The following AGO2 variants were observed in gnomAD, a reference collection of about 807,000 sequenced individuals.
AGO2 encodes the protein argonaute RISC catalytic component 2.
AGO2 carries 5 observed loss-of-function variants against 102.3 expected under a neutral mutation model. The ratio of observed to expected loss-of-function variants is 0.05; its 90% confidence interval spans 0.03 to 0.10. The LOEUF (loss-of-function observed/expected upper bound fraction) is 0.10. Ranked by LOEUF, AGO2 falls within the 10% of genes least tolerant of loss-of-function variation. The probability of loss-of-function intolerance (pLI) is 1.00; values close to 1 mark genes in which losing one functional copy is unlikely to be tolerated. For missense variants in AGO2, 541 were observed against 1,183.7 expected (o/e 0.46, Z 7.97); for synonymous variants, 449 against 473.1 (o/e 0.95, Z 0.66).
intron 4 of AGO2, among the ~76,000 whole-genome samples, chr8:140,561,929 C>T (rs1208288453): frequency 6.6e-6 from 1 of 152,254 alleles, no homozygotes; most frequent in African/African-American, 2.4e-5. Flanking sequence ...ATTAGTGCAA[C>T]CCTCTGCCCA....
At chr8:140,537,006 C>T (rs553509071) in intron 16 of AGO2, among the ~76,000 whole-genome samples, 1 of 152,288 alleles carries the variant, frequency 6.6e-6, no homozygotes, top group Non-Finnish European at 1.5e-5. Context: ...ACAGGACATT[C>T]TCGATTGTGT....
chr8:140,532,257 G>A (rs2072611484), intron 18 of AGO2, 105 bp from the exon 19 acceptor site: 4 of 1,398,062 alleles, frequency 2.9e-6, no homozygotes, highest in East Asian at 2.3e-5. Context: ...ACCTGGGAGA[G>A]GGAAGAGTCC....
At chr8:140,595,738 AT>A (rs2073818451) in intron 1 of AGO2, among the ~76,000 whole-genome samples, 1 of 125,436 alleles carries the variant, frequency 8.0e-6, no homozygotes, top group African/African-American at 3.0e-5. Flanking sequence ...TGTAAATGTT[AT>A]ATATTATATA....
rs943078892 is a variant in AGO2, at chr8:140,530,311, G to A, written c.*1733C>T. On this transcript the variant is annotated 3_prime_UTR_variant, in exon 19 of 19. Transcript: ENST00000220592. ...CCAAAGCAGCTGAGCACAAAGGTGG[G>A]GGGGGGGGTGCCGCTGAGCAGGAGG... The A allele has an allele frequency of 2.2e-5, 3 of 139,416 alleles. No homozygotes were observed. The highest frequency in any genetic ancestry group is 1.4e-4 in the Admixed American group (2 of 14,578). The allele number at this position is 139,416 out of a possible 1,614,324, so 8.6% of individuals were successfully genotyped here.
At chr8:140,555,487 C>T in intron 10 of AGO2, 1 of 177,614 alleles carries the variant, frequency 5.6e-6, no homozygotes, top group Non-Finnish European at 1.2e-5. Context: ...GAGCAAGACC[C>T]TGCCTCAAAA....
intron 3 of AGO2, among the ~76,000 whole-genome samples, chr8:140,564,321 C>T (rs1411768149): frequency 1.4e-5 from 2 of 147,370 alleles, no homozygotes; most frequent in African/African-American, 5.1e-5. Flanking sequence ...ATCAAGGCTT[C>T]GCCCATGGGG....
rs1017867537 is a variant in AGO2, at chr8:140,563,139, C to A, written c.337-505G>T. Among the ~76,000 whole-genome samples, 25 of 152,352 alleles carry A rather than the reference C, an allele frequency of 1.6e-4. 1 individual carries two copies. The highest frequency in any genetic ancestry group is 6.0e-4 in the African/African-American group (25 of 41,578). ...TGAAGCAACTTTGCTATTTGCTAAT[C>A]ATGCTTCCCAGTGTCTGAGGAACAC... On this transcript the variant is annotated intron_variant, in intron 3 of 18. Coordinates refer to ENST00000220592, the MANE Select transcript of AGO2 (RefSeq NM_012154.5).
chr8:140,635,422 C>A (rs1477329632), intron 1 of AGO2, 63 bp downstream of exon 1: 21 of 976,588 alleles, frequency 2.2e-5, no homozygotes, highest in African/African-American at 7.1e-5. Flanking sequence ...CCGCGCCGGG[C>A]CCGCCAACCA....
intron 17 of AGO2, chr8:140,532,851 G>T: frequency 2.2e-6 from 1 of 451,560 alleles, no homozygotes; most frequent in South Asian, 2.2e-5. Context: ...AAAAAAATTA[G>T]CTAGACAATT....
intron 1 of AGO2, 128 bp downstream of exon 1, chr8:140,635,357 C>G (rs2074393221): frequency 1.8e-6 from 1 of 547,814 alleles, no homozygotes; most frequent in Non-Finnish European, 2.3e-6. Flanking sequence ...GGCTCGCCCG[C>G]CCCCGGCCCC....
chr8:140,640,338 A>AT (rs926983978), upstream of AGO2, among the ~76,000 whole-genome samples: 19 of 150,942 alleles, frequency 1.3e-4, no homozygotes, highest in East Asian at 7.9e-4. Context: ...TTGTTTTATT[A>AT]TTTTTTTTCT....
At chr8:140,576,728 G>C (rs1294628543) in intron 2 of AGO2, among the ~76,000 whole-genome samples, 5 of 152,148 alleles carry the variant, frequency 3.3e-5, no homozygotes, top group African/African-American at 1.2e-4. Flanking sequence ...AGCAACTTCT[G>C]ACACAAGAAA....
intron 1 of AGO2, among the ~76,000 whole-genome samples, chr8:140,634,401 AGCCCGGCGGGGCCTGCGCCGCCTGCG>A (rs780247131): frequency 1.2e-4 from 18 of 152,164 alleles, no homozygotes; most frequent in Non-Finnish European, 1.6e-4. Context: ...ATAAGCCCAG[AGCCCGGCGGGGCCTGCGCCGCCTGCG>A]GCCCGGCTGG....
chr8:140,594,094 C>T (rs1051693817), intron 1 of AGO2, among the ~76,000 whole-genome samples: 1 of 152,164 alleles, frequency 6.6e-6, no homozygotes, highest in Non-Finnish European at 1.5e-5. Context: ...GCCTGAGCAC[C>T]TCCTACTCCT....
At chr8:140,630,511 A>G (rs1049518591) in intron 1 of AGO2, among the ~76,000 whole-genome samples, 1 of 152,254 alleles carries the variant, frequency 6.6e-6, no homozygotes, top group Admixed American at 6.5e-5. Context: ...GAACAAGTGC[A>G]GGCCCCTGAC....
chr8:140,581,839 C>CAG (rs2073562581), intron 2 of AGO2, among the ~76,000 whole-genome samples: 1 of 152,190 alleles, frequency 6.6e-6, no homozygotes. Context: ...TTTAGTTTTA[C>CAG]AGATATGAGA....
At chr8:140,637,397 G>A (rs888724589), upstream of AGO2, 13 of 152,218 alleles carry the variant, frequency 8.5e-5, no homozygotes, top group Non-Finnish European at 2.9e-5. Context: ...GGCCCAGAAG[G>A]CTCTGTCATC....
At chr8:140,614,448 C>G (rs144724594) in intron 1 of AGO2, among the ~76,000 whole-genome samples, 1 of 152,366 alleles carries the variant, frequency 6.6e-6, no homozygotes, top group East Asian at 1.9e-4. Flanking sequence ...CCACTAAATT[C>G]TGAGCCAATC....
At chr8:140,623,287 G>A (rs1232914139) in intron 1 of AGO2, among the ~76,000 whole-genome samples, 1 of 148,092 alleles carries the variant, frequency 6.8e-6, no homozygotes, top group Non-Finnish European at 1.5e-5. Context: ...TGCACATAGG[G>A]TCTCCTCTTG....
Sources: gnomAD v4.1 joint callset for allele counts (sites outside exome capture counted in the v4.1 genomes callset) on GRCh38, gnomAD v4.1.1 for gene constraint, MANE v1.5 for transcripts, NCBI Gene and HGNC (gene_info 2026-07-23, HGNC 2026-07-21) for gene names.